The following MYOM2 variants were observed in gnomAD, a reference collection of about 807,000 sequenced individuals.
MYOM2 encodes the protein myomesin-2.
Under a neutral mutation model 187.6 loss-of-function variants are expected in MYOM2, and 254 were observed. The observed-to-expected ratio is 1.35, with a 90% CI of 1.22 to 1.50. The LOEUF (loss-of-function observed/expected upper bound fraction) is 1.50. Among genes scored for constraint, MYOM2 ranks in the 40% most tolerant of loss-of-function variants. The pLI is 0.00. For synonymous variants in MYOM2, 981 were observed against 753.8 expected (o/e 1.30, Z -4.94); for missense variants, 2,796 against 1,924.0 (o/e 1.45, Z -8.48).
At chr8:2,108,667 C>A in intron 23 of MYOM2, 119 bp from the exon 24 acceptor site, 1 of 942,798 alleles carries the variant, frequency 1.1e-6, no homozygotes, top group Non-Finnish European at 1.7e-6. Flanking sequence ...AAATTCCTTT[C>A]GTGTCCTCCA....
intron 32 of MYOM2, among the ~76,000 whole-genome samples, chr8:2,134,327 T>A (rs1797983793): frequency 6.6e-6 from 1 of 152,188 alleles, no homozygotes; most frequent in South Asian, 2.1e-4. Context: ...TGTCTGGGTT[T>A]ATCTGGTGTT....
intron 6 of MYOM2, among the ~76,000 whole-genome samples, chr8:2,064,647 G>A (rs542282038): frequency 2.0e-5 from 3 of 152,324 alleles, no homozygotes; most frequent in East Asian, 1.9e-4. Flanking sequence ...GCTAATGCGC[G>A]AGGTTGCACT....
At chr8:2,070,962 A>G (rs893711369) in intron 8 of MYOM2, among the ~76,000 whole-genome samples, 2 of 151,672 alleles carry the variant, frequency 1.3e-5, no homozygotes, top group African/African-American at 4.8e-5. Flanking sequence ...TAAATTTTTT[A>G]TTTTTATTTA....
At chr8:2,065,254 AG>A (rs1436135682) in intron 6 of MYOM2, among the ~76,000 whole-genome samples, 1 of 152,156 alleles carries the variant, frequency 6.6e-6, no homozygotes, top group Non-Finnish European at 1.5e-5. Context: ...GGAGAATTTG[AG>A]GCTGGCAGCT....
At chr8:2,140,970 A>T in intron 33 of MYOM2, 84 bp downstream of exon 33, 1 of 1,411,210 alleles carries the variant, frequency 7.1e-7, no homozygotes, top group East Asian at 2.3e-5. Flanking sequence ...CAATATGAAT[A>T]CAAGAGACAA....
chr8:2,070,943 G>C (rs1400109819), intron 8 of MYOM2, among the ~76,000 whole-genome samples: 1 of 152,066 alleles, frequency 6.6e-6, no homozygotes, highest in Non-Finnish European at 1.5e-5. Flanking sequence ...GGCATTGGCA[G>C]TGGCTTTTTA....
At chr8:2,124,370 T>C (rs1797562681) in intron 31 of MYOM2, among the ~76,000 whole-genome samples, 153 bp downstream of exon 31, 1 of 152,224 alleles carries the variant, frequency 6.6e-6, no homozygotes, top group African/African-American at 2.4e-5. Context: ...GGTGATCTGC[T>C]GCCGATGAAG....
At chr8:2,143,667 T>C (rs1204211142) in intron 36 of MYOM2, among the ~76,000 whole-genome samples, 1 of 152,020 alleles carries the variant, frequency 6.6e-6, no homozygotes, top group African/African-American at 2.4e-5. Context: ...CACATAACAT[T>C]CCGAATCCAC....
intron 9 of MYOM2, among the ~76,000 whole-genome samples, chr8:2,073,050 C>T (rs574667727): frequency 2.3e-4 from 35 of 152,286 alleles, no homozygotes; most frequent in Non-Finnish European, 4.0e-4. Flanking sequence ...AAGCAGCGGG[C>T]CCCCAGGTGA....
intron 6 of MYOM2, among the ~76,000 whole-genome samples, chr8:2,064,820 T>C (rs1818963872): frequency 6.6e-6 from 1 of 152,190 alleles, no homozygotes; most frequent in South Asian, 2.1e-4. Context: ...AGTGATCTTA[T>C]TTCCTACATT....
chr8:2,098,638 G>A (rs1488914915), intron 18 of MYOM2, among the ~76,000 whole-genome samples: 1 of 152,172 alleles, frequency 6.6e-6, no homozygotes, highest in Non-Finnish European at 1.5e-5. Flanking sequence ...ATCACTTTGG[G>A]AAATCACTTT....
intron 32 of MYOM2, among the ~76,000 whole-genome samples, chr8:2,136,303 A>G (rs28612497): frequency 0.094 from 13,620 of 144,464 alleles, 1,107 homozygotes; most frequent in African/African-American, 0.2. Flanking sequence ...TCTTGCATGC[A>G]TGCATGTGTT....
intron 6 of MYOM2, among the ~76,000 whole-genome samples, chr8:2,065,299 G>C (rs537917112): frequency 6.6e-6 from 1 of 152,190 alleles, no homozygotes; most frequent in Admixed American, 6.5e-5. Context: ...GGCCAGGCAC[G>C]GTGGCTCATG....
chr8:2,117,940 A>G lies in MYOM2; in HGVS notation c.3441A>G (p.Arg1147=). Residue 1147 remains arginine (R), a synonymous_variant, in exon 28 of 37, where the codon CGA becomes CGG. Coordinates refer to ENST00000262113, the MANE Select transcript of MYOM2 (RefSeq NM_003970.4). ...ATGTCACGGAAGAATGTGAAGTTCG[A>G]CTTGTTTGCAAGGTGAGAAACCCGG... ...HWDVTEECEV[R]LVCKVANTKK... The G allele has an allele frequency of 6.2e-7, 1 of 1,612,942 alleles. No individual in the cohort carries two copies. The highest frequency in any genetic ancestry group is 8.5e-7 in the Non-Finnish European group (1 of 1,179,442).
intron 28 of MYOM2, among the ~76,000 whole-genome samples, chr8:2,122,461 C>T (rs906781948): frequency 2.6e-5 from 4 of 152,222 alleles, no homozygotes; most frequent in African/African-American, 4.8e-5. Flanking sequence ...GATGCCATTT[C>T]CCATAGCGGA....
At position 2,138,494 on chromosome 8, in the gene MYOM2, G is replaced by A. The variant is rs138789985; in HGVS notation, c.3801-2229G>A. ...TGGTCCGATTCTCCCGCCTCTTTCC[G>A]GGGAGGGGCAGATTATGGGAAAAGG... is the stretch of plus-strand genomic sequence containing the variant. On this transcript the variant is annotated intron_variant, in intron 32 of 36. Coordinates refer to ENST00000262113, the MANE Select transcript of MYOM2 (RefSeq NM_003970.4). Among the ~76,000 whole-genome samples, 14 of 152,336 alleles carry A rather than the reference G, an allele frequency of 9.2e-5. No individual in the cohort carries two copies. The East Asian group carries it at 1.7e-3, about 19-fold the overall frequency.
chr8:2,109,579 T>C, intron 25 of MYOM2, 48 bp downstream of exon 25: 1 of 1,570,146 alleles, frequency 6.4e-7, no homozygotes, highest in Non-Finnish European at 8.6e-7. Context: ...AGTCCACTTT[T>C]GTTGTGGTAG....
intron 21 of MYOM2, among the ~76,000 whole-genome samples, chr8:2,104,383 A>T (rs1432912007): frequency 6.6e-6 from 1 of 152,054 alleles, no homozygotes; most frequent in Admixed American, 6.6e-5. Context: ...CGGGCGGATC[A>T]CGAGGTCAGG....
rs1174864306 is a variant in MYOM2, at chr8:2,082,792, C to T, written c.1517-2471C>T. 2.0e-5 allele frequency among the ~76,000 whole-genome samples: 3 copies of T among 152,190 alleles called. No homozygotes were observed. The East Asian group carries it at 5.8e-4, about 29-fold the overall frequency. ...TTCCTGGGCCGGGGCATTTGCAGCC[C>T]ACATGCTCAGTCATTTGCTCTGTGC... is the stretch of plus-strand genomic sequence containing the variant. On this transcript the variant is annotated intron_variant, in intron 13 of 36. Transcript: ENST00000262113.
Sources: gnomAD v4.1 joint callset for allele counts (sites outside exome capture counted in the v4.1 genomes callset) on GRCh38, gnomAD v4.1.1 for gene constraint, MANE v1.5 for transcripts, NCBI Gene and HGNC (gene_info 2026-07-23, HGNC 2026-07-21) for gene names.